Variants in FAM135B observed in about 807,000 individuals in gnomAD.
FAM135B encodes the protein family with sequence similarity 135 member B.
In FAM135B, 43 loss-of-function variants were observed where a neutral mutation model predicts 127.7. That is an observed-to-expected ratio of 0.34 (90% CI 0.26 to 0.43). FAM135B has a LOEUF of 0.43. Among genes scored for constraint, FAM135B ranks in the 20% least tolerant of loss-of-function variants. FAM135B has a pLI of 1.00. For missense variants in FAM135B, 1,558 were observed against 1,725.6 expected, an observed-to-expected ratio of 0.90 and a Z score of 1.72; for synonymous variants, 670 against 665.1, an observed-to-expected ratio of 1.01 and a Z score of -0.11.
intron 3 of FAM135B, among the ~76,000 whole-genome samples, chr8:138,266,909 C>A (rs898288194): frequency 1.3e-5 from 2 of 152,080 alleles, no homozygotes; most frequent in African/African-American, 4.8e-5. Context: ...TAATAGGGAA[C>A]AACTATATGG....
intron 9 of FAM135B, among the ~76,000 whole-genome samples, chr8:138,194,066 A>G (rs1362901359): frequency 6.6e-6 from 1 of 152,140 alleles, no homozygotes; most frequent in Non-Finnish European, 1.5e-5. Flanking sequence ...GGAGCATATG[A>G]GCCCCCAAGT....
intron 1 of FAM135B, among the ~76,000 whole-genome samples, chr8:138,473,549 T>C (rs748878608): frequency 6.6e-6 from 1 of 152,152 alleles, no homozygotes; most frequent in Non-Finnish European, 1.5e-5. Flanking sequence ...AAGATGGTAG[T>C]TTTTGTAATG....
chr8:138,305,782 A>G (rs1268202957), intron 3 of FAM135B, among the ~76,000 whole-genome samples: 3 of 152,168 alleles, frequency 2.0e-5, no homozygotes, highest in African/African-American at 4.8e-5. Flanking sequence ...TTGACTGACA[A>G]GTATAATAAG....
rs140528909 is a variant in FAM135B, at chr8:138,475,407, G to A, written c.-20+21264C>T. 1.4e-4 allele frequency among the ~76,000 whole-genome samples: 21 copies of A among 152,190 alleles called. No homozygotes were observed. The East Asian group carries it at 3.9e-3, about 28-fold the overall frequency. ...ACTTCCAACCCAGACGTCGCCCAAA[G>A]CCACAGACTATAGAGAGCTCTTAAT... is the stretch of plus-strand genomic sequence containing the variant. On this transcript the variant is annotated intron_variant, in intron 1 of 19. Coordinates refer to ENST00000395297, the MANE Select transcript of FAM135B (RefSeq NM_015912.4).
intron 1 of FAM135B, among the ~76,000 whole-genome samples, chr8:138,408,331 T>C (rs956791073): frequency 3.3e-5 from 5 of 152,220 alleles, no homozygotes; most frequent in African/African-American, 7.2e-5. Flanking sequence ...AACTGATAAC[T>C]TGCTGCAGCT....
intron 4 of FAM135B, among the ~76,000 whole-genome samples, chr8:138,264,234 T>C (rs1057051558): frequency 6.6e-6 from 1 of 152,224 alleles, no homozygotes; most frequent in African/African-American, 2.4e-5. Context: ...CAGTTCTGCA[T>C]TGGCTTCTCT....
At chr8:138,247,053 G>A (rs555700496) in intron 6 of FAM135B, among the ~76,000 whole-genome samples, 1 of 152,320 alleles carries the variant, frequency 6.6e-6, no homozygotes, top group African/African-American at 2.4e-5. Flanking sequence ...TTTACCCAAT[G>A]CCTGTACCCC....
chr8:138,156,009 C>T (rs943406968), intron 12 of FAM135B, among the ~76,000 whole-genome samples: 6 of 152,214 alleles, frequency 3.9e-5, no homozygotes, highest in South Asian at 2.1e-4. Flanking sequence ...CTCAGCACTA[C>T]ATCACACTTA....
At chr8:138,463,571 A>G (rs992539400) in intron 1 of FAM135B, among the ~76,000 whole-genome samples, 3 of 152,162 alleles carry the variant, frequency 2.0e-5, no homozygotes, top group Non-Finnish European at 4.4e-5. Flanking sequence ...GGGTGTTTTG[A>G]GGACACCATG....
At chr8:138,405,227 C>A (rs779287116) in intron 1 of FAM135B, among the ~76,000 whole-genome samples, 5 of 142,812 alleles carry the variant, frequency 3.5e-5, no homozygotes, top group Non-Finnish European at 6.1e-5. Context: ...TTTTTTTCTT[C>A]TTATTATTAT....
chr8:138,373,786 C>T (rs944472846), intron 1 of FAM135B, among the ~76,000 whole-genome samples: 7 of 152,086 alleles, frequency 4.6e-5, no homozygotes, highest in South Asian at 2.1e-4. Flanking sequence ...TATGTAGGGA[C>T]GAAATAAGCC....
chr8:138,243,086 G>GA lies in FAM135B; in HGVS notation c.543-19dup. 1 of 1,598,392 alleles carries GA rather than the reference G, an allele frequency of 6.3e-7. No individual in the cohort carries two copies. The highest frequency in any genetic ancestry group is 8.5e-7 in the Non-Finnish European group (1 of 1,173,612). On this transcript the variant is annotated intron_variant, in intron 6 of 19. Transcript: ENST00000395297. This position sits in a 1 kb window ranked among gnomAD's most constrained non-coding sequence, Gnocchi z 7.5. ...GAGTAAAACTAAACAAAAGATAATT[G>GA]AAAGGGTGAAAAAGGAGGTAAAGAA...
intron 11 of FAM135B, 29 bp from the exon 12 acceptor site, chr8:138,168,078 C>G (rs1442644980): frequency 5.0e-6 from 8 of 1,593,072 alleles, no homozygotes; most frequent in Non-Finnish European, 6.8e-6. Context: ...GGTGAGCGTC[C>G]AGGGAAGAGT....
intron 4 of FAM135B, among the ~76,000 whole-genome samples, chr8:138,262,903 G>GAAA (rs71316332): frequency 0.14 from 13,339 of 95,202 alleles, 1,453 homozygotes; most frequent in African/African-American, 0.16. Context: ...CTCTGTCTCA[G>GAAA]AAAAAAAAAA....
intron 1 of FAM135B, among the ~76,000 whole-genome samples, chr8:138,426,116 A>ATG (rs1834874643): frequency 1.2e-5 from 1 of 83,566 alleles, no homozygotes; most frequent in Non-Finnish European, 2.5e-5. Context: ...ATATATACAC[A>ATG]TATGTGTGTG....
At chr8:138,235,673 G>A (rs1246522370) in intron 7 of FAM135B, among the ~76,000 whole-genome samples, 1 of 152,116 alleles carries the variant, frequency 6.6e-6, no homozygotes, top group Non-Finnish European at 1.5e-5. Context: ...ACCCTGCCCT[G>A]CCAGACACAC....
At chr8:138,276,281 C>A (rs553673649) in intron 3 of FAM135B, among the ~76,000 whole-genome samples, 1 of 152,184 alleles carries the variant, frequency 6.6e-6, no homozygotes, top group Non-Finnish European at 1.5e-5. Context: ...TAAGTATAGT[C>A]GCAATTGCAG....
intron 7 of FAM135B, among the ~76,000 whole-genome samples, chr8:138,214,497 G>C (rs1472127776): frequency 2.0e-5 from 3 of 152,158 alleles, no homozygotes; most frequent in African/African-American, 7.2e-5. Flanking sequence ...GGAGCACACA[G>C]ACTAATGATT....
chr8:138,249,947 A>G (rs1821574994), intron 6 of FAM135B, among the ~76,000 whole-genome samples: 1 of 152,212 alleles, frequency 6.6e-6, no homozygotes, highest in African/African-American at 2.4e-5. Context: ...AGCATGGTAC[A>G]ATATGCTAGA....
Sources: allele counts gnomAD v4.1 joint callset (sites outside exome capture counted in the v4.1 genomes callset), GRCh38; gene constraint gnomAD v4.1.1; non-coding constraint Gnocchi (gnomAD v3.1); transcripts MANE v1.5; gene names NCBI Gene and HGNC (gene_info 2026-07-23, HGNC 2026-07-21).